The following NRXN2 variants were observed in gnomAD, a reference collection of about 807,000 sequenced individuals.
NRXN2 encodes the protein neurexin 2.
A neutral mutation model predicts 128.8 loss-of-function variants in NRXN2; 29 were observed. The ratio of observed to expected loss-of-function variants is 0.23; its 90% CI spans 0.17 to 0.31. The LOEUF is 0.31. Among genes scored for constraint, NRXN2 ranks in the 10% least tolerant of loss-of-function variants. The probability of loss-of-function intolerance (pLI) is 1.00; values close to 1 mark genes in which losing one functional copy is unlikely to be tolerated. For missense variants in NRXN2, 1,881 were observed against 2,452.6 expected, an observed-to-expected ratio of 0.77 and a Z score of 4.92; for synonymous variants, 1,098 against 1,075.2, an observed-to-expected ratio of 1.02 and a Z score of -0.41.
At position 64,669,941 on chromosome 11, in the gene NRXN2, C is replaced by G. The variant is rs528943021; in HGVS notation, c.1198-1337G>C. On this transcript the variant is annotated intron_variant, in intron 7 of 22. Transcript: ENST00000265459. ...GAGATTGGGGCCTTCCAGTCACATC[C>G]TATGCCCTCCTCACCCACACCAGTC... Among the ~76,000 whole-genome samples, 9 of 152,228 alleles carry G rather than the reference C, an allele frequency of 5.9e-5. No homozygotes were observed. The East Asian group carries it at 1.5e-3, about 26-fold the overall frequency.
rs1184688012 is a variant in NRXN2, at chr11:64,635,890, C to T, written c.3404-438G>A. ...TTCTTTGGGGCCAGAGCTAAGCAGGCACCAAGGAACCCCAGGTGATGGCAG... is the reference window on the plus strand; with the variant it reads ...TTCTTTGGGGCCAGAGCTAAGCAGGTACCAAGGAACCCCAGGTGATGGCAG... On this transcript the variant is annotated intron_variant, in intron 17 of 22. Transcript: ENST00000265459. This position sits in a 1 kb window ranked among gnomAD's most constrained non-coding sequence, Gnocchi z 4.8. 6.6e-6 allele frequency among the ~76,000 whole-genome samples: 1 copy of T among 151,764 alleles called. No homozygotes were observed. The highest frequency in any genetic ancestry group is 2.4e-5 in the African/African-American group (1 of 41,284).
At chr11:64,643,335 C>G (rs2135422351) in intron 17 of NRXN2, 2 of 252,632 alleles carry the variant, frequency 7.9e-6, no homozygotes, top group Non-Finnish European at 9.0e-6. Context: ...CGACGGAGGC[C>G]GGGGGAAAGG....
At chr11:64,638,171 G>A (rs2135400730) in intron 17 of NRXN2, among the ~76,000 whole-genome samples, 1 of 152,358 alleles carries the variant, frequency 6.6e-6, no homozygotes, top group South Asian at 2.1e-4. Context: ...CGCACAGGCT[G>A]CCCAAGCCCA....
Position 64,648,357 on chromosome 11 carries a change from AG to A in NRXN2, c.3284-20del. ...CTGGGGCCTGGAAGGGGCAGGAGAA[AG>A]GAACACCCCTGGCTCAGCCAAGCCC... On this transcript the variant is annotated intron_variant, in intron 16 of 22. Coordinates refer to ENST00000265459, the MANE Select transcript of NRXN2 (RefSeq NM_015080.4). This position sits in a 1 kb window ranked among gnomAD's most constrained non-coding sequence, Gnocchi z 4.1. 6.2e-7 allele frequency: 1 copy of A among 1,614,026 alleles called. No individual in the cohort carries two copies. Among genetic ancestry groups the A allele is most frequent in the Non-Finnish European group, 8.5e-7 (1 of 1,179,938 alleles).
rs1433324076 is a variant in NRXN2 at position 64,632,130 on chromosome 11, G to A, written c.3586-1557C>T. On this transcript the variant is annotated intron_variant, in intron 18 of 22. Coordinates refer to ENST00000265459, the MANE Select transcript of NRXN2 (RefSeq NM_015080.4). The surrounding 1 kb of genome is among the most constrained non-coding windows in gnomAD (Gnocchi z 4.2). ...AGGGGTGGCTCACAGATGGGGCAAGGGTTGGGGTTTGGCAGAGAGAGTTGG... is the reference window on the plus strand; with the variant it reads ...AGGGGTGGCTCACAGATGGGGCAAGAGTTGGGGTTTGGCAGAGAGAGTTGG... 1.3e-5 allele frequency among the ~76,000 whole-genome samples: 2 copies of A among 152,230 alleles called. No individual in the cohort carries two copies. The highest frequency in any genetic ancestry group is 1.3e-4 in the Admixed American group (2 of 15,292).
chr11:64,647,545 T>C (rs1468978365), intron 17 of NRXN2, among the ~76,000 whole-genome samples: 1 of 151,998 alleles, frequency 6.6e-6, no homozygotes, highest in Non-Finnish European at 1.5e-5. Context: ...TCAAACAGAA[T>C]GCAAGTTGGC....
At chr11:64,674,309 G>A (rs1319494159) in intron 7 of NRXN2, among the ~76,000 whole-genome samples, 1 of 152,078 alleles carries the variant, frequency 6.6e-6, no homozygotes, top group African/African-American at 2.4e-5. Context: ...TCCTGCCTTA[G>A]CCTCCCGAGT....
At chr11:64,706,769 A>G (rs528742045) in intron 2 of NRXN2, among the ~76,000 whole-genome samples, 1 of 152,038 alleles carries the variant, frequency 6.6e-6, no homozygotes, top group Non-Finnish European at 1.5e-5. Flanking sequence ...TTTATTAATC[A>G]ATGTTCGAGG....
At chr11:64,720,173 CAGT>C (rs923042593) in intron 1 of NRXN2, among the ~76,000 whole-genome samples, 1 of 152,250 alleles carries the variant, frequency 6.6e-6, no homozygotes, top group Non-Finnish European at 1.5e-5. Flanking sequence ...CCATGCCAAA[CAGT>C]GGTGGTGGCA....
chr11:64,700,357 C>CTAA (rs762023245), intron 2 of NRXN2, among the ~76,000 whole-genome samples: 23 of 152,212 alleles, frequency 1.5e-4, no homozygotes, highest in Non-Finnish European at 2.5e-4. Context: ...AGTGCTTATT[C>CTAA]CCCTGTGCTT....
intron 22 of NRXN2, among the ~76,000 whole-genome samples, 154 bp from the exon 23 acceptor site, chr11:64,608,236 G>A (rs1353412951): frequency 1.3e-5 from 2 of 152,204 alleles, no homozygotes; most frequent in Admixed American, 1.3e-4. Context: ...CCCGCCAGCC[G>A]GCCGAGCACT....
Position 64,667,608 on chromosome 11 carries a change from C to A in NRXN2, c.1440G>T (p.Gly480=). The change falls in exon 9 of 23, where the codon GGG becomes GGT. Residue 480 remains glycine, a synonymous_variant. Coordinates refer to ENST00000265459, the MANE Select transcript of NRXN2 (RefSeq NM_015080.4). The surrounding 1 kb of genome is among the most constrained non-coding windows in gnomAD (Gnocchi z 5.6). The part of the protein sequence containing the change: ...KEGDPKMKLQ[G]DLSFRCEDVA... ...CATCCTCACAGCGGAATGACAAGTC[C>A]CCCTGCAGCTTCATCTTGGGGTCCC... 1.2e-6 allele frequency: 2 copies of A among 1,614,202 alleles called. No homozygotes were observed. Among genetic ancestry groups the A allele is most frequent in the Non-Finnish European group, 1.7e-6 (2 of 1,180,038 alleles).
At chr11:64,656,603 C>T (rs2048325140) in intron 11 of NRXN2, among the ~76,000 whole-genome samples, 1 of 152,080 alleles carries the variant, frequency 6.6e-6, no homozygotes, top group Admixed American at 6.5e-5. Flanking sequence ...TACACCACAC[C>T]CTTCAGGTCA....
chr11:64,635,407 T>C lies in NRXN2; in HGVS notation c.3449A>G (p.Tyr1150Cys). 1.2e-6 allele frequency: 2 copies of C among 1,613,752 alleles called. No individual in the cohort carries two copies. Among genetic ancestry groups the C allele is most frequent in the Non-Finnish European group, 1.7e-6 (2 of 1,179,990 alleles). Residue 1150 changes from tyrosine to cysteine, a missense_variant, in exon 18 of 23, where the codon TAC becomes TGC. Physicochemically the swap from Tyr to Cys is radical, Grantham distance 194. Transcript: ENST00000265459. The surrounding 1 kb of genome is among the most constrained non-coding windows in gnomAD (Gnocchi z 4.8). Reference protein sequence around the residue: ...IFGKGGALITYTWPPNDRPST... With the variant: ...IFGKGGALITCTWPPNDRPST... ...GGGCCTGTCATTGGGGGGCCACGTG[T>C]AGGTGATGAGCGCTCCCCCCTTCCC...
At chr11:64,679,564 G>A (rs2051886705) in intron 6 of NRXN2, among the ~76,000 whole-genome samples, 1 of 152,084 alleles carries the variant, frequency 6.6e-6, no homozygotes, top group African/African-American at 2.4e-5. Context: ...GTGAACCCAG[G>A]AGGCGGAGCT....
At chr11:64,674,401 AGG>A (rs2051036249) in intron 7 of NRXN2, among the ~76,000 whole-genome samples, 2 of 152,102 alleles carry the variant, frequency 1.3e-5, no homozygotes, top group Non-Finnish European at 2.9e-5. Context: ...CATGTTGGCC[AGG>A]CTGGCCTTGA....
rs770514271 is a variant in NRXN2, at chr11:64,667,504, C to A, written c.1544G>T (p.Gly515Val). The A allele has an allele frequency of 1.3e-5, 21 of 1,613,940 alleles. No individual in the cohort carries two copies. Among genetic ancestry groups the A allele is most frequent in the Non-Finnish European group, 1.6e-5 (19 of 1,180,018 alleles). ...ALPRWSAKRT[G>V]SISLDFRTTE... ...GGTGCGGAAGTCTAGGGAGATGGAG[C>A]CAGTGCGCTTAGCGCTCCAGCGGGG... The change falls in exon 9 of 23, where the codon GGC becomes GTC. Residue 515 changes from glycine to valine, a missense_variant. Physicochemically the swap from Gly to Val is moderately radical, Grantham distance 109. This residue lies in a region of NRXN2 where 997 missense variants were observed against 1,240.8 expected (regional missense o/e 0.80). Transcript: ENST00000265459. The surrounding 1 kb of genome is among the most constrained non-coding windows in gnomAD (Gnocchi z 5.6).
chr11:64,658,950 G>C (rs1197114947), intron 11 of NRXN2, among the ~76,000 whole-genome samples: 1 of 152,248 alleles, frequency 6.6e-6, no homozygotes, highest in Admixed American at 6.5e-5. Context: ...CATGAACCCG[G>C]GAGGCAGAGG....
In NRXN2 at chr11:64,635,250, G is replaced by A; in HGVS notation, c.3585+21C>T. ...GGAGCAGGAAGCTTGAGGTTGAAGG[G>A]TTGGGGCCCAGGGTCCTTACGATGT... On this transcript the variant is annotated intron_variant, in intron 18 of 22. Transcript: ENST00000265459. The surrounding 1 kb of genome is among the most constrained non-coding windows in gnomAD (Gnocchi z 4.8). 6.2e-7 allele frequency: 1 copy of A among 1,611,360 alleles called. No homozygotes were observed. The highest frequency in any genetic ancestry group is 8.5e-7 in the Non-Finnish European group (1 of 1,179,766).
Sources: allele counts gnomAD v4.1 joint callset (sites outside exome capture counted in the v4.1 genomes callset), GRCh38; gene constraint gnomAD v4.1.1; regional missense constraint gnomAD v4.1.1; non-coding constraint Gnocchi (gnomAD v3.1); transcripts MANE v1.5; gene names NCBI Gene and HGNC (gene_info 2026-07-23, HGNC 2026-07-21).